The following MTMR10 variants were observed in gnomAD, a reference collection of about 807,000 sequenced individuals.
The protein encoded by MTMR10 is myotubularin related protein 10.
Under a neutral mutation model 88.1 loss-of-function variants are expected in MTMR10, and 56 were observed. That is an observed-to-expected ratio of 0.64 (90% CI 0.51 to 0.79). The LOEUF is 0.79. MTMR10 is among the 30% of genes least tolerant of loss of function. The pLI, the probability that MTMR10 is intolerant of heterozygous loss-of-function variation, is 0.00. For synonymous variants in MTMR10, 380 were observed against 340.9 expected, an observed-to-expected ratio of 1.11 and a Z score of -1.26; for missense variants, 883 against 924.7, an observed-to-expected ratio of 0.95 and a Z score of 0.58.
chr15:30,941,687 G>A lies in MTMR10; in HGVS notation c.2117C>T (p.Ala706Val), dbSNP rs1376875574. 3 of 1,613,628 alleles carry A rather than the reference G, an allele frequency of 1.9e-6. No homozygotes were observed. Among genetic ancestry groups the A allele is most frequent in the South Asian group, 1.1e-5 (1 of 91,028 alleles). The change falls in exon 16 of 16, where the codon GCC (alanine) becomes GTC (valine). Residue 706 changes from alanine (A) to valine (V), a missense_variant. Transcript: ENST00000435680. The stretch of plus-strand genomic sequence containing the variant: ...GCTCTGGCCCAGCTCCCCATAGCAG[G>A]CCTCCAGGGGGCCACTGCGCTGTTG... The part of the protein sequence containing the change: ...LRQQRSGPLE[A>V]CYGELGQSRM...
the MTMR10 span, chr15:30,928,791 T>C: frequency 6.7e-7 from 1 of 1,484,672 alleles, no homozygotes; most frequent in South Asian, 1.4e-5. Flanking sequence ...CAGGTCAAGA[T>C]GATAACTTAT....
At chr15:30,928,630 C>G in the MTMR10 span, 48 of 1,613,606 alleles carry the variant, frequency 3.0e-5, no homozygotes, top group Middle Eastern at 1.6e-4. Context: ...GGATGGGATT[C>G]CGGATGTCTT....
At chr15:30,942,869 G>A (rs767753890) in intron 15 of MTMR10, 21 bp downstream of exon 15, 3 of 1,546,856 alleles carry the variant, frequency 1.9e-6, no homozygotes, top group East Asian at 2.4e-5. Flanking sequence ...CCAACATCAC[G>A]TTTTGTTAGC....
At chr15:30,972,610 C>T (rs1027204803) in intron 5 of MTMR10, among the ~76,000 whole-genome samples, 1 of 152,136 alleles carries the variant, frequency 6.6e-6, no homozygotes, top group Non-Finnish European at 1.5e-5. Context: ...ATGCTCTGTT[C>T]ATCTGGAAAT....
intron 11 of MTMR10, among the ~76,000 whole-genome samples, chr15:30,952,627 A>G (rs1472278688): frequency 6.6e-6 from 1 of 152,062 alleles, no homozygotes; most frequent in Non-Finnish European, 1.5e-5. Flanking sequence ...CAGGCTCCCT[A>G]GGACAGCAGG....
chr15:30,959,519 C>T (rs1042554180), intron 7 of MTMR10, among the ~76,000 whole-genome samples: 2 of 152,248 alleles, frequency 1.3e-5, no homozygotes, highest in Non-Finnish European at 2.9e-5. Flanking sequence ...TTAAGTCCCT[C>T]TTCTACCTTT....
chr15:30,922,509 GAATACCAGGGATGCCAGC>G, the MTMR10 span, among the ~76,000 whole-genome samples: 1 of 152,178 alleles, frequency 6.6e-6, no homozygotes, highest in Non-Finnish European at 1.5e-5. Flanking sequence ...AACCCCAAAA[GAATACCAGGGATGCCAGC>G]ACAGCATGAG....
the MTMR10 span, among the ~76,000 whole-genome samples, chr15:30,931,746 G>C: frequency 2.0e-5 from 3 of 152,022 alleles, no homozygotes; most frequent in African/African-American, 7.2e-5. Context: ...ATGTGGGTCT[G>C]TTTCTATATA....
chr15:30,929,216 A>G, the MTMR10 span: 1 of 1,612,012 alleles, frequency 6.2e-7, no homozygotes, highest in African/African-American at 1.3e-5. Flanking sequence ...TTCCCCCTGG[A>G]CTTGTGCACA....
rs2063361838 is a variant in MTMR10 at position 30,958,851 on chromosome 15, T to C, written c.935+12A>G. ...AAACTATCTAAAGTGACAATGACCA[T>C]TTCTCAATTACCTCTGGTCAATCTT... On this transcript the variant is annotated intron_variant, in intron 9 of 15. Transcript: ENST00000435680. The C allele has an allele frequency of 6.2e-7, 1 of 1,612,042 alleles. No homozygotes were observed. Among genetic ancestry groups the C allele is most frequent in the Non-Finnish European group, 8.5e-7 (1 of 1,178,120 alleles).
chr15:30,940,730 C>CTATT lies in MTMR10; in HGVS notation c.*736_*739dup. On this transcript the variant is annotated 3_prime_UTR_variant, in exon 16 of 16. Coordinates refer to ENST00000435680, the MANE Select transcript of MTMR10 (RefSeq NM_017762.3). ...GGCTATGAAGCTTAGTATGAAAAGC[C>CTATT]TATTTCAAATATGCAATGGGATTTT... 8.1e-6 allele frequency: 8 copies of CTATT among 989,730 alleles called. No individual in the cohort carries two copies. Among genetic ancestry groups the CTATT allele is most frequent in the Non-Finnish European group, 9.6e-6 (8 of 832,804 alleles). 61.3% of individuals were successfully genotyped at this position (989,730 alleles called of 1,614,324 possible). A position where few individuals can be genotyped will look rare whatever the true frequency, so the allele number is the denominator to read the frequency against.
chr15:30,925,786 C>G, the MTMR10 span: 1 of 1,614,050 alleles, frequency 6.2e-7, no homozygotes, highest in Non-Finnish European at 8.5e-7. Flanking sequence ...GCTGCTGTTT[C>G]AGGTGACCAT....
chr15:30,943,509 A>G (rs1048803078), intron 14 of MTMR10: 27 of 985,444 alleles, frequency 2.7e-5, no homozygotes, highest in Non-Finnish European at 3.3e-5. Flanking sequence ...ACTGCCACCA[A>G]TTTTATAACT....
At chr15:30,929,845 A>AAATATAT in the MTMR10 span, among the ~76,000 whole-genome samples, 61 of 61,116 alleles carry the variant, frequency 1.0e-3, 5 homozygotes, top group African/African-American at 4.2e-3. Context: ...ATAATATATA[A>AAATATAT]AATATATATC....
At chr15:30,925,783 T>C in the MTMR10 span, 3 of 1,613,920 alleles carry the variant, frequency 1.9e-6, no homozygotes, top group Admixed American at 3.3e-5. Context: ...TCTGCTGCTG[T>C]TTCAGGTGAC....
At chr15:30,980,593 T>C (rs1165306302) in intron 2 of MTMR10, among the ~76,000 whole-genome samples, 1 of 152,218 alleles carries the variant, frequency 6.6e-6, no homozygotes, top group Non-Finnish European at 1.5e-5. Context: ...ACACACTCAG[T>C]ACCCAGCTCT....
intron 9 of MTMR10, among the ~76,000 whole-genome samples, chr15:30,957,566 T>C (rs2063344600): frequency 6.6e-6 from 1 of 152,032 alleles, no homozygotes; most frequent in African/African-American, 2.4e-5. Context: ...CTATTAAAAA[T>C]ACAAAAATCA....
At chr15:30,933,585 ATGTG>A in the MTMR10 span, among the ~76,000 whole-genome samples, 1 of 152,186 alleles carries the variant, frequency 6.6e-6, no homozygotes, top group Non-Finnish European at 1.5e-5. Flanking sequence ...CTTGAAAAGA[ATGTG>A]TGTTTAGCAT....
rs1219337503 is a variant in MTMR10 at position 30,941,111 on chromosome 15, C to CCTAA, written c.*355_*358dup. On this transcript the variant is annotated 3_prime_UTR_variant, in exon 16 of 16. Transcript: ENST00000435680. ...TAAAAATGACACGAAACACAAATTT[C>CCTAA]CTAACTTTCCTGTTGTCTGCTGCCT... The CCTAA allele has an allele frequency of 5.6e-6, 7 of 1,241,162 alleles. No individual in the cohort carries two copies. The highest frequency in any genetic ancestry group is 3.1e-5 in the Admixed American group (1 of 31,860). The allele number at this position is 1,241,162 out of a possible 1,614,324, so 76.9% of individuals were successfully genotyped here. A position where few individuals can be genotyped will look rare whatever the true frequency, so the allele number is the denominator to read the frequency against.
Sources: allele counts gnomAD v4.1 joint callset (sites outside exome capture counted in the v4.1 genomes callset), GRCh38; gene constraint gnomAD v4.1.1; transcripts MANE v1.5; gene names NCBI Gene and HGNC (gene_info 2026-07-23, HGNC 2026-07-21).